DNAH7: variants seen among roughly 807,000 people sequenced by gnomAD.
DNAH7 encodes axonemal beta dynein heavy chain 7.
DNAH7 carries 397 observed loss-of-function variants against 444.6 expected under a neutral mutation model. The observed-to-expected ratio is 0.89, with a 90% CI of 0.82 to 0.97. The LOEUF is 0.97. Among genes scored for constraint, DNAH7 ranks in the 50% least tolerant of loss-of-function variants. The pLI is 0.00. For synonymous variants in DNAH7, 1,636 were observed against 1,624.4 expected, an observed-to-expected ratio of 1.01 and a Z score of -0.17; for missense variants, 4,902 against 4,800.8, an observed-to-expected ratio of 1.02 and a Z score of -0.62.
chr2:195,987,225 G>T, intron 13 of DNAH7, 32 bp from the exon 14 acceptor site: 1 of 1,473,518 alleles, frequency 6.8e-7, no homozygotes, highest in South Asian at 1.4e-5. Context: ...ATCAACATAA[G>T]AAGAAATAAA....
chr2:195,862,054 G>T, intron 41 of DNAH7, 108 bp from the exon 42 acceptor site: 1 of 811,962 alleles, frequency 1.2e-6, no homozygotes, highest in Non-Finnish European at 2.0e-6. Context: ...GGGGAATAGT[G>T]TGAGGGATGG....
intron 53 of DNAH7, among the ~76,000 whole-genome samples, chr2:195,808,096 G>C (rs567273248): frequency 2.0e-4 from 30 of 151,988 alleles, no homozygotes; most frequent in African/African-American, 7.0e-4. Flanking sequence ...TAGAAACAAA[G>C]GAATAGAAAA....
At chr2:195,981,115 A>G (rs2125609349) in intron 15 of DNAH7, among the ~76,000 whole-genome samples, 1 of 152,228 alleles carries the variant, frequency 6.6e-6, no homozygotes, top group Middle Eastern at 3.4e-3. Flanking sequence ...CCAAAAAACT[A>G]TTAGAACTGA....
rs189149582 is a variant in DNAH7 at position 195,934,187 on chromosome 2, C to G, written c.3471+404G>C. Among the ~76,000 whole-genome samples, 5 of 152,232 alleles carry G rather than the reference C, an allele frequency of 3.3e-5. No individual in the cohort carries two copies. The East Asian group carries it at 9.6e-4, about 29-fold the overall frequency. ...ACATTATTTTCTAACATTTTGTATG[C>G]ATTTCATATATACACCGAAAAAAAG... On this transcript the variant is annotated intron_variant, in intron 21 of 64. Coordinates refer to ENST00000312428, the MANE Select transcript of DNAH7 (RefSeq NM_018897.3).
rs146479691 is a variant in DNAH7, at chr2:195,774,041, G to A, written c.11202+1805C>T. Among the ~76,000 whole-genome samples, 9 of 152,232 alleles carry A rather than the reference G, an allele frequency of 5.9e-5. No individual in the cohort carries two copies. In the East Asian group the frequency reaches 1.7e-3, roughly 29 times the overall value. On this transcript the variant is annotated intron_variant, in intron 60 of 64. Coordinates refer to ENST00000312428, the MANE Select transcript of DNAH7 (RefSeq NM_018897.3). Reference sequence around the variant, plus strand: ...CTCACCCATAACTATAATTGTATTCGCCAACCTGAGTTTGAGGATTGAAAG... The same window carrying A: ...CTCACCCATAACTATAATTGTATTCACCAACCTGAGTTTGAGGATTGAAAG...
intron 40 of DNAH7, among the ~76,000 whole-genome samples, chr2:195,865,975 G>A (rs78849126): frequency 0.02 from 2,999 of 152,228 alleles, 62 homozygotes; most frequent in East Asian, 0.088. Context: ...GCAAGCCAGC[G>A]TGAGAAAATA....
intron 47 of DNAH7, among the ~76,000 whole-genome samples, chr2:195,839,866 T>C (rs1012220613): frequency 5.9e-5 from 9 of 151,818 alleles, no homozygotes; most frequent in African/African-American, 1.9e-4. Context: ...ATTGAATTCA[T>C]GGATAAAATC....
chr2:195,891,248 A>C lies in DNAH7; in HGVS notation c.5046+407T>G, dbSNP rs114912802. ...GCAAAGGTGTGCAATTTCTTCTCTA[A>C]GCATTGGCGTATATCTAACAATTAG... On this transcript the variant is annotated intron_variant, in intron 31 of 64. Transcript: ENST00000312428. Among the ~76,000 whole-genome samples the C allele has an allele frequency of 3.6e-3, 550 of 152,358 alleles. 1 individual carries two copies. Among genetic ancestry groups the C allele is most frequent in the African/African-American group, 0.013 (531 of 41,582 alleles).
At position 195,771,773 on chromosome 2, in the gene DNAH7, G is replaced by C. The variant is rs377069668; in HGVS notation, c.11320C>G (p.Pro3774Ala). 14 of 1,613,928 alleles carry C rather than the reference G, an allele frequency of 8.7e-6. No individual in the cohort carries two copies. In the African/African-American group the frequency reaches 1.5e-4, roughly 17 times the overall value. Reference protein sequence around the residue: ...FDIEAAMRRYPTTYTQSMNTV... With the variant: ...FDIEAAMRRYATTYTQSMNTV... ...TTCATGCTCTGAGTATAAGTTGTTGGGTACCTCCTCATGGCAGCCTCGATG... is the reference window on the plus strand; with the variant it reads ...TTCATGCTCTGAGTATAAGTTGTTGCGTACCTCCTCATGGCAGCCTCGATG... Residue 3774 changes from proline (P) to alanine (A), a missense_variant, in exon 61 of 65, where the codon CCA (proline) becomes GCA (alanine). By Grantham distance (27) the Pro-to-Ala change is conservative (BLOSUM62 -1). Transcript: ENST00000312428.
chr2:195,898,160 C>G (rs182566585), intron 28 of DNAH7, among the ~76,000 whole-genome samples: 3 of 152,240 alleles, frequency 2.0e-5, no homozygotes, highest in Admixed American at 2.0e-4. Flanking sequence ...TGAAAAGAGG[C>G]ATTTAAATTT....
intron 2 of DNAH7, 101 bp downstream of exon 2, chr2:196,057,953 A>C: frequency 1.0e-6 from 1 of 969,328 alleles, no homozygotes; most frequent in Non-Finnish European, 1.5e-6. Flanking sequence ...AATTGTATAA[A>C]ATTTAAAATC....
In DNAH7 at chr2:195,858,658, A is replaced by AT. The variant is rs1355977505; in HGVS notation, c.7882dup (p.Ile2628AsnfsTer4). On this transcript the variant is annotated frameshift_variant, in exon 43 of 65. Transcript: ENST00000312428. LOFTEE classifies it high-confidence loss of function. ...TTCTACAGACTCTTTCTCAATCATTATCATCATTTCATCAACCTCTTTGCT... is the reference window on the plus strand; with the variant it reads ...TTCTACAGACTCTTTCTCAATCATTATTCATCATTTCATCAACCTCTTTGCT... 6.2e-7 allele frequency: 1 copy of AT among 1,613,988 alleles called. No homozygotes were observed. Among genetic ancestry groups the AT allele is most frequent in the East Asian group, 2.2e-5 (1 of 44,888 alleles).
intron 12 of DNAH7, chr2:195,994,920 C>T (rs961574980): frequency 1.0e-4 from 33 of 316,130 alleles, no homozygotes; most frequent in Non-Finnish European, 1.7e-4. Context: ...GACTGTAGCC[C>T]ACTGGATGTT....
intron 15 of DNAH7, among the ~76,000 whole-genome samples, chr2:195,978,697 G>A (rs1692361513): frequency 6.6e-6 from 1 of 152,042 alleles, no homozygotes; most frequent in South Asian, 2.1e-4. Context: ...CACCTACAAA[G>A]ACACACATAG....
intron 63 of DNAH7, among the ~76,000 whole-genome samples, chr2:195,750,009 A>T (rs1693699756): frequency 6.6e-6 from 1 of 151,896 alleles, no homozygotes. Flanking sequence ...AAAATAAAGA[A>T]ATAAAATAAA....
chr2:196,032,683 G>C (rs896091901), intron 5 of DNAH7, among the ~76,000 whole-genome samples: 1 of 152,138 alleles, frequency 6.6e-6, no homozygotes, highest in South Asian at 2.1e-4. Context: ...TAATGAATTT[G>C]ATCAAACAAG....
At chr2:195,792,878 G>A (rs901137858) in intron 57 of DNAH7, among the ~76,000 whole-genome samples, 1 of 151,926 alleles carries the variant, frequency 6.6e-6, no homozygotes, top group African/African-American at 2.4e-5. Flanking sequence ...AATATTAACA[G>A]GAGATGAATA....
intron 5 of DNAH7, among the ~76,000 whole-genome samples, chr2:196,045,987 T>C (rs1411592676): frequency 6.6e-6 from 1 of 152,058 alleles, no homozygotes; most frequent in East Asian, 1.9e-4. Flanking sequence ...AGTCCATCTA[T>C]ATCCTGTTTA....
chr2:195,964,752 T>G (rs1345197227), intron 17 of DNAH7, among the ~76,000 whole-genome samples: 1 of 151,382 alleles, frequency 6.6e-6, no homozygotes, highest in Non-Finnish European at 1.5e-5. Context: ...GGCACGCGCT[T>G]GTAGTCCTAG....
Sources: allele counts gnomAD v4.1 joint callset (sites outside exome capture counted in the v4.1 genomes callset), GRCh38; gene constraint gnomAD v4.1.1; transcripts MANE v1.5; gene names NCBI Gene and HGNC (gene_info 2026-07-23, HGNC 2026-07-21).